Variants in CBLB observed in about 807,000 individuals in gnomAD.
The protein encoded by CBLB is E3 ubiquitin-protein ligase CBL-B.
In CBLB, 31 loss-of-function variants were observed where a neutral mutation model predicts 104.9. The observed-to-expected ratio is 0.30, with a 90% CI of 0.22 to 0.40. CBLB has a LOEUF of 0.40. CBLB is among the 10% of genes least tolerant of loss of function. CBLB has a pLI of 1.00. For missense variants in CBLB, 1,062 were observed against 1,214.6 expected (o/e 0.87, Z 1.87); for synonymous variants, 440 against 422.6 (o/e 1.04, Z -0.51).
intron 7 of CBLB, among the ~76,000 whole-genome samples, chr3:105,739,920 C>T (rs759694880): frequency 6.6e-4 from 101 of 152,090 alleles, no homozygotes; most frequent in Non-Finnish European, 1.3e-3. Context: ...CTGGCTAACA[C>T]GGTGAAACCC....
intron 2 of CBLB, among the ~76,000 whole-genome samples, chr3:105,854,833 A>G (rs994311476): frequency 5.3e-5 from 8 of 151,958 alleles, no homozygotes; most frequent in Admixed American, 1.3e-4. Context: ...GGATTTCACC[A>G]TCTTTGTCAG....
intron 3 of CBLB, among the ~76,000 whole-genome samples, chr3:105,797,075 C>T (rs1411162509): frequency 6.6e-6 from 1 of 152,178 alleles, no homozygotes; most frequent in Non-Finnish European, 1.5e-5. Context: ...CCAGCAATTC[C>T]ATTATTGTGT....
chr3:105,740,565 C>T lies in CBLB; in HGVS notation c.912G>A (p.Gly304=). 6.2e-7 allele frequency: 1 copy of T among 1,613,924 alleles called. No individual in the cohort carries two copies. The highest frequency in any genetic ancestry group is 8.5e-7 in the Non-Finnish European group (1 of 1,179,846). Residue 304 remains glycine, a synonymous_variant, in exon 7 of 19, where the codon GGG becomes GGA. Transcript: ENST00000394030. ...TATGAGGTATGGTCTGTAAGATATT[C>T]CCATCCCCAGTCACATAGCCAATGG... is the stretch of plus-strand genomic sequence containing the variant. ...QWAIGYVTGD[G]NILQTIPHNK...
intron 3 of CBLB, among the ~76,000 whole-genome samples, chr3:105,786,445 C>T (rs1375937416): frequency 6.6e-6 from 1 of 152,154 alleles, no homozygotes; most frequent in African/African-American, 2.4e-5. Context: ...GGCAACCACG[C>T]TGCTTCGGCT....
intron 10 of CBLB, among the ~76,000 whole-genome samples, chr3:105,716,843 G>A (rs1576567828): frequency 6.6e-6 from 1 of 152,158 alleles, no homozygotes; most frequent in African/African-American, 2.4e-5. Context: ...TAATGCTTGA[G>A]ATCATCATTC....
chr3:105,863,138 T>A (rs1406044353), intron 2 of CBLB, among the ~76,000 whole-genome samples: 1 of 152,212 alleles, frequency 6.6e-6, no homozygotes, highest in Non-Finnish European at 1.5e-5. Flanking sequence ...GACTACTAAC[T>A]GATTAAGGCC....
chr3:105,755,081 G>A (rs1223586538), intron 4 of CBLB, among the ~76,000 whole-genome samples: 1 of 150,940 alleles, frequency 6.6e-6, no homozygotes, highest in Non-Finnish European at 1.5e-5. Flanking sequence ...ACATTGTGCA[G>A]GTTAGTTACA....
chr3:105,769,651 C>T (rs2078631559), intron 4 of CBLB, among the ~76,000 whole-genome samples: 1 of 152,126 alleles, frequency 6.6e-6, no homozygotes, highest in Non-Finnish European at 1.5e-5. Flanking sequence ...AAATGAGACA[C>T]ACATTGGGAA....
rs1465072566 is a variant in CBLB at position 105,655,711 on chromosome 3, C to T, written c.*3259G>A. 5.0e-6 allele frequency: 1 copy of T among 200,948 alleles called. No homozygotes were observed. Among genetic ancestry groups the T allele is most frequent in the East Asian group, 7.6e-5 (1 of 13,140 alleles). The allele number at this position is 200,948 out of a possible 1,614,324, so 12.4% of individuals were successfully genotyped here. A position where few individuals can be genotyped will look rare whatever the true frequency, so the allele number is the denominator to read the frequency against. On this transcript the variant is annotated 3_prime_UTR_variant, in exon 19 of 19. Transcript: ENST00000394030. ...CAGAATCACTAAAATTCCAGGTCAACAGGTAGTACCTGAATTATTCAAGTA... is the reference window on the plus strand; with the variant it reads ...CAGAATCACTAAAATTCCAGGTCAATAGGTAGTACCTGAATTATTCAAGTA...
intron 3 of CBLB, among the ~76,000 whole-genome samples, chr3:105,808,637 T>A (rs1279612053): frequency 1.3e-5 from 2 of 152,218 alleles, no homozygotes; most frequent in Admixed American, 1.3e-4. Flanking sequence ...ACAAAATCTA[T>A]GACTTAAATC....
chr3:105,702,122 C>T lies in CBLB; in HGVS notation c.1931G>A (p.Arg644His), dbSNP rs138175657. ...AGCTCCTTCTAAAGGCAAATCATGG[C>T]GTCTGTGTTTCCGCATAAGCACTGG... ...SDPVLMRKHR[R>H]HDLPLEGAKV... The change falls in exon 12 of 19, where the codon CGC (arginine) becomes CAC (histidine). Residue 644 changes from arginine to histidine, a missense_variant. Arg to His is a conservative substitution (Grantham distance 29). This residue lies in a region of CBLB where 605 missense variants were observed against 582.6 expected (regional missense o/e 1.04). Transcript: ENST00000394030. The T allele has an allele frequency of 4.0e-5, 64 of 1,614,116 alleles. No individual in the cohort carries two copies. Among genetic ancestry groups the T allele is most frequent in the African/African-American group, 8.0e-5 (6 of 75,022 alleles).
chr3:105,758,491 T>C (rs2077283233), intron 4 of CBLB, among the ~76,000 whole-genome samples: 1 of 152,214 alleles, frequency 6.6e-6, no homozygotes, highest in African/African-American at 2.4e-5. Flanking sequence ...CTGTGATTGG[T>C]TGCGCCATTA....
At chr3:105,783,089 C>T (rs556127095) in intron 3 of CBLB, among the ~76,000 whole-genome samples, 2 of 152,242 alleles carry the variant, frequency 1.3e-5, no homozygotes, top group South Asian at 4.1e-4. Flanking sequence ...ACAAGATATT[C>T]AAAATATATT....
In CBLB at chr3:105,670,447, T is replaced by A. The variant is rs55980746; in HGVS notation, c.2570-95A>T. The stretch of plus-strand genomic sequence containing the variant: ...GAATTATTTTATGAAGATTATGGCT[T>A]TCAAAAATAAATTAGAAAATTAAAT... On this transcript the variant is annotated intron_variant, in intron 17 of 18. Transcript: ENST00000394030. 28,670 of 999,054 alleles carry A rather than the reference T, an allele frequency of 0.029. 830 individuals carry two copies. The highest frequency in any genetic ancestry group is 0.13 in the East Asian group (5,130 of 38,216). 61.9% of individuals were successfully genotyped at this position (999,054 alleles called of 1,614,324 possible). A position where few individuals can be genotyped will look rare whatever the true frequency, so the allele number is the denominator to read the frequency against.
chr3:105,821,483 T>G (rs910770428), intron 3 of CBLB, among the ~76,000 whole-genome samples: 2 of 152,108 alleles, frequency 1.3e-5, no homozygotes, highest in South Asian at 2.1e-4. Context: ...AGTTAAAATT[T>G]CACAGTAAGG....
chr3:105,663,386 A>T (rs766935781), intron 18 of CBLB, among the ~76,000 whole-genome samples: 4 of 152,170 alleles, frequency 2.6e-5, no homozygotes, highest in Non-Finnish European at 5.9e-5. Flanking sequence ...AAGAGCAGGG[A>T]TGAGGAGGTA....
rs1225562077 is a variant in CBLB, at chr3:105,776,577, A to G, written c.420-35T>C. The stretch of plus-strand genomic sequence containing the variant: ...CAAGGGAAAAAAATGAAGATAAGAA[A>G]TAAACACCTAGATGCATGCAAATTT... On this transcript the variant is annotated intron_variant, in intron 3 of 18. Transcript: ENST00000394030. 31 of 1,595,116 alleles carry G rather than the reference A, an allele frequency of 1.9e-5. No homozygotes were observed. The Middle Eastern group carries it at 6.7e-4, about 34-fold the overall frequency.
In CBLB at chr3:105,769,638, A is replaced by T. The variant is rs960019043; in HGVS notation, c.566+6758T>A. ...TACGAAAACAAAGACAATGAGGAGT[A>T]AAAAATGAGACACACATTGGGAAAT... On this transcript the variant is annotated intron_variant, in intron 4 of 18. Transcript: ENST00000394030. 2.6e-5 allele frequency among the ~76,000 whole-genome samples: 4 copies of T among 152,242 alleles called. No individual in the cohort carries two copies. The East Asian group carries it at 7.7e-4, about 29-fold the overall frequency.
intron 3 of CBLB, among the ~76,000 whole-genome samples, chr3:105,823,332 C>T (rs1161966713): frequency 1.3e-5 from 2 of 152,138 alleles, no homozygotes; most frequent in Non-Finnish European, 2.9e-5. Context: ...TCTTGGAGAC[C>T]TTCCATCCAC....
Sources: allele counts gnomAD v4.1 joint callset (sites outside exome capture counted in the v4.1 genomes callset), GRCh38; gene constraint gnomAD v4.1.1; regional missense constraint gnomAD v4.1.1; transcripts MANE v1.5; gene names NCBI Gene and HGNC (gene_info 2026-07-23, HGNC 2026-07-21).